SPEN: variants seen among roughly 807,000 people sequenced by gnomAD.
The protein encoded by SPEN is msx2-interacting protein.
SPEN carries 18 observed loss-of-function variants against 269.9 expected under a neutral mutation model. That is an observed-to-expected ratio of 0.07 (90% confidence interval 0.05 to 0.10). The LOEUF is 0.10. Ranked by LOEUF, SPEN falls within the 10% of genes least tolerant of loss-of-function variation. SPEN has a pLI of 1.00. For synonymous variants in SPEN, 1,726 were observed against 1,765.7 expected (o/e 0.98, Z 0.56); for missense variants, 3,822 against 4,631.2 (o/e 0.83, Z 5.07).
At chr1:15,906,713 C>T (rs1417377117) in intron 3 of SPEN, among the ~76,000 whole-genome samples, 1 of 151,096 alleles carries the variant, frequency 6.6e-6, no homozygotes, top group South Asian at 2.1e-4. Context: ...ATTCACCTGC[C>T]TTGGCCTCCC....
intron 3 of SPEN, among the ~76,000 whole-genome samples, chr1:15,893,734 A>T (rs1206442463): frequency 6.6e-6 from 1 of 150,654 alleles, no homozygotes; most frequent in East Asian, 1.9e-4. Context: ...CCTGTCTCTT[A>T]AAAAAAAACA....
intron 3 of SPEN, among the ~76,000 whole-genome samples, chr1:15,901,875 TG>T (rs774302032): frequency 1.3e-5 from 2 of 151,648 alleles, no homozygotes; most frequent in Non-Finnish European, 2.9e-5. Flanking sequence ...TTTATTTTAG[TG>T]AGAATGACGT....
chr1:15,863,078 C>T (rs2070463714), intron 1 of SPEN, among the ~76,000 whole-genome samples: 1 of 152,054 alleles, frequency 6.6e-6, no homozygotes, highest in Non-Finnish European at 1.5e-5. Flanking sequence ...AGCACTTTTC[C>T]CATTCTCAGT....
chr1:15,923,880 G>T (rs1449114166), intron 10 of SPEN, among the ~76,000 whole-genome samples: 1 of 152,130 alleles, frequency 6.6e-6, no homozygotes, highest in Non-Finnish European at 1.5e-5. Flanking sequence ...ATATTGGTCA[G>T]GCTGGTCTTG....
At position 15,848,204 on chromosome 1, in the gene SPEN, CCCGGCCCGTTG is replaced by C; in HGVS notation, c.83+62_83+72del. ...TCGCTCCTCGGGCGCCGCTTCCCGC[CCCGGCCCGTTG>C]CCGGCCCCTCCCGGAGCGCGGAGCT... On this transcript the variant is annotated intron_variant, in intron 1 of 14. Transcript: ENST00000375759. This position sits in a 1 kb window ranked among gnomAD's most constrained non-coding sequence, Gnocchi z 5.1. The C allele has an allele frequency of 7.6e-7, 1 of 1,316,516 alleles. No individual in the cohort carries two copies. Among genetic ancestry groups the C allele is most frequent in the South Asian group, 1.5e-5 (1 of 67,296 alleles). The allele number at this position is 1,316,516 out of a possible 1,614,324, so 81.6% of individuals were successfully genotyped here.
At chr1:15,927,216 G>A (rs1166305151) in intron 10 of SPEN, among the ~76,000 whole-genome samples, 6 of 152,214 alleles carry the variant, frequency 3.9e-5, no homozygotes, top group African/African-American at 1.4e-4. Flanking sequence ...CCTGTGGTGA[G>A]TTCCTTAAAA....
In SPEN at chr1:15,848,121, G is replaced by A. The variant is rs2070292153; in HGVS notation, c.54G>A (p.Arg18=). 9 of 1,501,276 alleles carry A rather than the reference G, an allele frequency of 6.0e-6. No individual in the cohort carries two copies. In the South Asian group the frequency reaches 8.7e-5, roughly 15 times the overall value. 93.0% of individuals were successfully genotyped at this position (1,501,276 alleles called of 1,614,324 possible). ...TGGGCAACTTACCCGAGAACGTGCGGGAAGAGAAGATCATCGAGCATTTCA... is the reference window on the plus strand; with the variant it reads ...TGGGCAACTTACCCGAGAACGTGCGAGAAGAGAAGATCATCGAGCATTTCA... ...LWVGNLPENV[R]EEKIIEHFKR... Residue 18 remains arginine (R), a synonymous_variant, in exon 1 of 15, where the codon CGG becomes CGA. Transcript: ENST00000375759. The surrounding 1 kb of genome is among the most constrained non-coding windows in gnomAD (Gnocchi z 5.1).
intron 5 of SPEN, among the ~76,000 whole-genome samples, chr1:15,914,454 C>T (rs9633365): frequency 0.24 from 36,918 of 152,102 alleles, 5,265 homozygotes; most frequent in South Asian, 0.43. Context: ...AGCGTTCCTG[C>T]CCTAGACCAA....
chr1:15,898,173 T>TTGTGTG (rs58297957), intron 3 of SPEN, among the ~76,000 whole-genome samples: 3,786 of 147,438 alleles, frequency 0.026, 136 homozygotes, highest in African/African-American at 0.077. Context: ...TAATTTATCT[T>TTGTGTG]TGTGTGTGTG....
Position 15,872,857 on chromosome 1 carries a change from G to T in SPEN, c.125G>T (p.Gly42Val). The stretch of plus-strand genomic sequence containing the variant: ...AGTGTCAAAATTCTTCCCAAGAGGG[G>T]ATCTGAAGGAGGAGTGGCTGCCTTT... ...VESVKILPKRGSEGGVAAFVD... is the reference protein window; with the variant it reads ...VESVKILPKRVSEGGVAAFVD... The change falls in exon 2 of 15, where the codon GGA (glycine) becomes GTA (valine). Residue 42 changes from glycine to valine, a missense_variant. Around this residue, in one of 16 missense-constraint regions of SPEN, gnomAD observed 51 missense variants for 56.1 expected, o/e 0.91. Coordinates refer to ENST00000375759, the MANE Select transcript of SPEN (RefSeq NM_015001.3). 6.5e-7 allele frequency: 1 copy of T among 1,543,422 alleles called. No homozygotes were observed.
chr1:15,926,847 C>G (rs1488719141), intron 10 of SPEN, among the ~76,000 whole-genome samples: 1 of 152,144 alleles, frequency 6.6e-6, no homozygotes, highest in African/African-American at 2.4e-5. Context: ...CGCCTGCCAC[C>G]ATGCCCGCCT....
intron 10 of SPEN, among the ~76,000 whole-genome samples, chr1:15,926,999 A>G (rs1459298010): frequency 6.6e-6 from 1 of 152,182 alleles, no homozygotes; most frequent in Non-Finnish European, 1.5e-5. Context: ...GCCAAGTTCT[A>G]GTGTTCTTTC....
chr1:15,872,403 T>C (rs1403421283), intron 1 of SPEN, among the ~76,000 whole-genome samples: 2 of 151,906 alleles, frequency 1.3e-5, no homozygotes, highest in East Asian at 1.9e-4. Context: ...CCATCCTGGC[T>C]AACACGGTGA....
chr1:15,933,682 C>T lies in SPEN; in HGVS notation c.7442C>T (p.Ser2481Leu), dbSNP rs997092599. 9 of 1,614,150 alleles carry T rather than the reference C, an allele frequency of 5.6e-6. No individual in the cohort carries two copies. Among genetic ancestry groups the T allele is most frequent in the Middle Eastern group, 3.3e-4 (2 of 6,062 alleles). The change falls in exon 11 of 15, where the codon TCA (serine) becomes TTA (leucine). Residue 2481 changes from serine (S) to leucine (L), a missense_variant. By Grantham distance (145) the Ser-to-Leu change is moderately radical. Around this residue, in one of 16 missense-constraint regions of SPEN, gnomAD observed 727 missense variants for 737.9 expected, o/e 0.99. Transcript: ENST00000375759. This position sits in a 1 kb window ranked among gnomAD's most constrained non-coding sequence, Gnocchi z 5.7. ...TLPSVTAAKL[S>L]PPVASGGIPH... ...CCTTCTGTAACTGCAGCAAAGCTCT[C>T]ACCTCCTGTCGCCTCTGGGGGGATC...
chr1:15,937,082 G>A lies in SPEN; in HGVS notation c.10027-81G>A. 1 of 1,530,854 alleles carries A rather than the reference G, an allele frequency of 6.5e-7. No individual in the cohort carries two copies. The highest frequency in any genetic ancestry group is 1.3e-5 in the South Asian group (1 of 79,784). 94.8% of individuals were successfully genotyped at this position (1,530,854 alleles called of 1,614,324 possible). On this transcript the variant is annotated intron_variant, in intron 11 of 14. Transcript: ENST00000375759. The surrounding 1 kb of genome is among the most constrained non-coding windows in gnomAD (Gnocchi z 5.7). ...TGCCACATCTTATCCTTTCCCTGTG[G>A]CCCTTTGGGTCATTTGTTGGTCTCA...
chr1:15,937,611 C>G lies in SPEN; in HGVS notation c.10475C>G (p.Ser3492Cys), dbSNP rs536941383. ...PKQDSSPHLT[S>C]QRPVDMVQLL... ...CAAGATTCCTCTCCACACCTGACTT[C>G]CCAGAGACCCGTGGATATGGTTCAA... Residue 3492 changes from serine (S) to cysteine (C), a missense_variant, in exon 12 of 15, where the codon TCC becomes TGC. Transcript: ENST00000375759. This position sits in a 1 kb window ranked among gnomAD's most constrained non-coding sequence, Gnocchi z 5.7. 2.4e-5 allele frequency: 39 copies of G among 1,614,004 alleles called. 1 individual carries two copies. In the South Asian group the frequency reaches 4.2e-4, roughly 17 times the overall value.
At chr1:15,857,285 G>A (rs964924957) in intron 1 of SPEN, among the ~76,000 whole-genome samples, 7 of 151,938 alleles carry the variant, frequency 4.6e-5, no homozygotes, top group African/African-American at 1.5e-4. Context: ...GGCTGGTCTC[G>A]AACTCCTGGG....
chr1:15,853,184 A>G, intron 1 of SPEN, among the ~76,000 whole-genome samples: 1 of 151,406 alleles, frequency 6.6e-6, no homozygotes, highest in East Asian at 1.9e-4. Flanking sequence ...TTATTTTTTT[A>G]TTTTTATTTT....
At chr1:15,878,049 T>G (rs950063766) in intron 3 of SPEN, among the ~76,000 whole-genome samples, 3 of 152,064 alleles carry the variant, frequency 2.0e-5, no homozygotes, top group African/African-American at 4.8e-5. Context: ...CTGGCCAAGC[T>G]TTCTCATTTT....
Sources: allele counts gnomAD v4.1 joint callset (sites outside exome capture counted in the v4.1 genomes callset), GRCh38; gene constraint gnomAD v4.1.1; regional missense constraint gnomAD v4.1.1; non-coding constraint Gnocchi (gnomAD v3.1); transcripts MANE v1.5; gene names NCBI Gene and HGNC (gene_info 2026-07-23, HGNC 2026-07-21).